The following SOX5 variants were observed in gnomAD, a reference collection of about 807,000 sequenced individuals.
SOX5 encodes transcription factor SOX-5.
SOX5 carries 9 observed loss-of-function variants against 92.0 expected under a neutral mutation model. The observed-to-expected ratio is 0.10, with a 90% CI of 0.06 to 0.17. The LOEUF (loss-of-function observed/expected upper bound fraction) is 0.17, where lower values mean the gene tolerates loss of function less well. Ranked by LOEUF, SOX5 falls within the 10% of genes least tolerant of loss-of-function variation. SOX5 has a pLI of 1.00. For synonymous variants in SOX5, 344 were observed against 336.3 expected, an observed-to-expected ratio of 1.02 and a Z score of -0.25; for missense variants, 642 against 944.5, an observed-to-expected ratio of 0.68 and a Z score of 4.20.
chr12:24,035,156 G>A (rs1475551345), intron 4 of SOX5, among the ~76,000 whole-genome samples: 3 of 152,100 alleles, frequency 2.0e-5, no homozygotes, highest in Non-Finnish European at 4.4e-5. Flanking sequence ...CATGTTTTAA[G>A]TGACACTGAG....
chr12:23,880,991 A>AT lies in SOX5; in HGVS notation c.270+14801dup, dbSNP rs562565764. Among the ~76,000 whole-genome samples the AT allele has an allele frequency of 6.0e-4, 91 of 152,152 alleles. 1 individual carries two copies. The East Asian group carries it at 0.016, about 27-fold the overall frequency. ...CTATCTATTGTCTCCTTGATTTAAA[A>AT]TTTTTTTCTATAATTATTTAAAAAC... On this transcript the variant is annotated intron_variant, in intron 2 of 14. Transcript: ENST00000451604.
At chr12:24,430,803 T>C (rs1938150142) in intron 1 of SOX5, among the ~76,000 whole-genome samples, 1 of 152,200 alleles carries the variant, frequency 6.6e-6, no homozygotes, top group South Asian at 2.1e-4. Flanking sequence ...GGAGTAACTT[T>C]ATTATTCCTA....
intron 4 of SOX5, among the ~76,000 whole-genome samples, chr12:24,105,471 G>A (rs1228587036): frequency 2.0e-5 from 3 of 152,054 alleles, no homozygotes. Flanking sequence ...AACTGGGTGG[G>A]TGGAGGTTGC....
rs981892467 is a variant in SOX5, at chr12:23,771,111, G to C, written c.482-15387C>G. ...TCGTATTCTAATCAGGGACTACCAA[G>C]TTTCAATTCTTATCTAGAAGGAGCT... On this transcript the variant is annotated intron_variant, in intron 3 of 14. Coordinates refer to ENST00000451604, the MANE Select transcript of SOX5 (RefSeq NM_006940.6). Among the ~76,000 whole-genome samples, 4 of 141,794 alleles carry C rather than the reference G, an allele frequency of 2.8e-5. No individual in the cohort carries two copies. In the South Asian group the frequency reaches 6.7e-4, roughly 24 times the overall value. 93.0% of individuals were successfully genotyped at this position (141,794 alleles called of 152,430 possible).
At chr12:23,602,865 T>TA (rs2074687798) in intron 9 of SOX5, among the ~76,000 whole-genome samples, 1 of 152,112 alleles carries the variant, frequency 6.6e-6, no homozygotes, top group Non-Finnish European at 1.5e-5. Flanking sequence ...TTACCAGTTT[T>TA]AAAAACTTAC....
chr12:24,277,511 A>AATATATATGTAAATTTACATTTAAATAT (rs1303689146), intron 2 of SOX5, among the ~76,000 whole-genome samples: 1 of 120,492 alleles, frequency 8.3e-6, no homozygotes, highest in Non-Finnish European at 2.0e-5. Context: ...TAAATATATA[A>AATATATATGTAAATTTACATTTAAATAT]ATATATATTT....
chr12:24,479,665 AT>A (rs56355919), intron 1 of SOX5, among the ~76,000 whole-genome samples: 14 of 149,914 alleles, frequency 9.3e-5, no homozygotes, highest in African/African-American at 2.2e-4. Flanking sequence ...GTATTTATTC[AT>A]TTTTTTTTTG....
intron 4 of SOX5, among the ~76,000 whole-genome samples, chr12:24,133,930 G>A (rs1199809633): frequency 6.6e-6 from 1 of 152,152 alleles, no homozygotes; most frequent in East Asian, 1.9e-4. Flanking sequence ...CGTGACCAGA[G>A]CTGCCCAGGT....
At chr12:24,159,059 G>A (rs10842286) in intron 4 of SOX5, among the ~76,000 whole-genome samples, 1 of 151,806 alleles carries the variant, frequency 6.6e-6, no homozygotes, top group Non-Finnish European at 1.5e-5. Context: ...TATGATGTGT[G>A]TTGGCATGAA....
chr12:23,899,380 A>G (rs1192107574), intron 1 of SOX5, among the ~76,000 whole-genome samples: 1 of 151,632 alleles, frequency 6.6e-6, no homozygotes, highest in Non-Finnish European at 1.5e-5. Context: ...AGCCTGGGCA[A>G]CAAAAGCAAA....
Position 24,211,430 on chromosome 12 carries a change from T to A in SOX5, c.-2+1913A>T, listed in dbSNP as rs151081642. 2.8e-3 allele frequency among the ~76,000 whole-genome samples: 425 copies of A among 152,328 alleles called. 1 individual carries two copies. The highest frequency in any genetic ancestry group is 4.8e-3 in the Admixed American group (73 of 15,302). ...AATAAATGAATTAATGAATGGATAA[T>A]CATCTTTTTATTTCATCTAGCTAAA... On this transcript the variant is annotated intron_variant, in intron 4 of 4. Transcript: ENST00000446891.
intron 1 of SOX5, among the ~76,000 whole-genome samples, chr12:24,482,753 C>T (rs1946133886): frequency 6.6e-6 from 1 of 152,070 alleles, no homozygotes; most frequent in South Asian, 2.1e-4. Flanking sequence ...TAAAGGACTA[C>T]ATAGAGCAAA....
chr12:23,775,732 T>C (rs2095076433), intron 3 of SOX5, among the ~76,000 whole-genome samples: 1 of 152,248 alleles, frequency 6.6e-6, no homozygotes. Context: ...ATTAGCTGAG[T>C]TCATTGTCAC....
intron 4 of SOX5, among the ~76,000 whole-genome samples, chr12:24,104,276 C>G (rs1051285300): frequency 1.3e-5 from 2 of 152,006 alleles, no homozygotes; most frequent in Admixed American, 1.3e-4. Context: ...ATCAAAATGA[C>G]TAATATTAGG....
chr12:23,704,919 C>A (rs1307086102), intron 6 of SOX5, among the ~76,000 whole-genome samples: 1 of 150,792 alleles, frequency 6.6e-6, no homozygotes, highest in Non-Finnish European at 1.5e-5. Flanking sequence ...ATTATTTCAT[C>A]CAATATTATT....
At chr12:24,224,467 G>T (rs1961395079) in intron 3 of SOX5, among the ~76,000 whole-genome samples, 1 of 151,290 alleles carries the variant, frequency 6.6e-6, no homozygotes, top group South Asian at 2.1e-4. Flanking sequence ...TTTTTTAAAA[G>T]TTCAAATGAT....
intron 3 of SOX5, among the ~76,000 whole-genome samples, chr12:23,800,656 C>T (rs955996987): frequency 4.6e-5 from 7 of 152,014 alleles, no homozygotes; most frequent in Admixed American, 2.0e-4. Context: ...TTTCCATTTA[C>T]ACCTGTCATA....
At chr12:23,722,361 G>A (rs770639271) in intron 6 of SOX5, among the ~76,000 whole-genome samples, 1 of 152,102 alleles carries the variant, frequency 6.6e-6, no homozygotes, top group South Asian at 2.1e-4. Context: ...AGGGAAGAGG[G>A]GGAGGTGAAT....
At chr12:23,838,842 T>A (rs1330899165) in intron 3 of SOX5, among the ~76,000 whole-genome samples, 3 of 22,728 alleles carry the variant, frequency 1.3e-4, no homozygotes, top group Non-Finnish European at 1.2e-4. Context: ...TTCTTTTTTT[T>A]TGGGGGGGGG....
Sources: gnomAD v4.1 joint callset for allele counts (sites outside exome capture counted in the v4.1 genomes callset) on GRCh38, gnomAD v4.1.1 for gene constraint, MANE v1.5 for transcripts, NCBI Gene and HGNC (gene_info 2026-07-23, HGNC 2026-07-21) for gene names.